DCLK1: variants seen among roughly 807,000 people sequenced by gnomAD.
The protein encoded by DCLK1 is doublecortin like kinase 1.
In DCLK1, 16 loss-of-function variants were observed where a neutral mutation model predicts 86.2. The observed-to-expected ratio is 0.19, with a 90% confidence interval of 0.13 to 0.28. DCLK1 has a LOEUF of 0.28. Among genes scored for constraint, DCLK1 ranks in the 10% least tolerant of loss-of-function variants. The pLI is 1.00. For synonymous variants in DCLK1, 369 were observed against 370.5 expected, an observed-to-expected ratio of 1.00 and a Z score of 0.05; for missense variants, 590 against 940.2, an observed-to-expected ratio of 0.63 and a Z score of 4.87.
In DCLK1 at chr13:35,958,121, CACTACCACT is replaced by C. The variant is rs1392722994; in HGVS notation, c.724-10673_724-10665del. Among the ~76,000 whole-genome samples the C allele has an allele frequency of 3.5e-4, 47 of 132,612 alleles. No homozygotes were observed. The East Asian group carries it at 7.3e-3, about 21-fold the overall frequency. 87.0% of individuals were successfully genotyped at this position (132,612 alleles called of 152,430 possible). On this transcript the variant is annotated intron_variant, in intron 3 of 16. Coordinates refer to ENST00000360631, the MANE Select transcript of DCLK1 (RefSeq NM_001330071.2). ...CCGCTATAACCACCATCACCACCAC[CACTACCACT>C]ACTATAACCACCACCACCACCACTA...
intron 3 of DCLK1, among the ~76,000 whole-genome samples, chr13:36,038,558 G>A (rs970502412): frequency 6.6e-6 from 1 of 152,154 alleles, no homozygotes; most frequent in African/African-American, 2.4e-5. Flanking sequence ...TAATCTCAGA[G>A]GCTTTTCCAG....
intron 8 of DCLK1, among the ~76,000 whole-genome samples, chr13:35,829,217 G>A (rs192005047): frequency 1.2e-4 from 18 of 152,262 alleles, no homozygotes; most frequent in Non-Finnish European, 2.4e-4. Flanking sequence ...TAGTCGTATC[G>A]CTACCTTTAA....
intron 4 of DCLK1, among the ~76,000 whole-genome samples, chr13:35,879,389 T>G (rs17068358): frequency 8.5e-5 from 13 of 152,186 alleles, no homozygotes. Context: ...GAAGGCTTTA[T>G]GGCACTGGGA....
At chr13:36,037,363 A>G (rs1383069551) in intron 3 of DCLK1, among the ~76,000 whole-genome samples, 1 of 152,208 alleles carries the variant, frequency 6.6e-6, no homozygotes, top group African/African-American at 2.4e-5. Flanking sequence ...ACAATAACAT[A>G]TTACATATTT....
chr13:35,828,230 A>T lies in DCLK1; in HGVS notation c.1287+20T>A. The T allele has an allele frequency of 1.9e-6, 3 of 1,602,342 alleles. No individual in the cohort carries two copies. Among genetic ancestry groups the T allele is most frequent in the Non-Finnish European group, 2.6e-6 (3 of 1,171,750 alleles). ...ACCTCTTGAACACTCTTATCTCATA[A>T]GAACAAATTTTATACATACTTTGCC... On this transcript the variant is annotated intron_variant, in intron 9 of 16. Transcript: ENST00000360631.
At chr13:35,907,830 T>C (rs190145520) in intron 4 of DCLK1, among the ~76,000 whole-genome samples, 55 of 89,314 alleles carry the variant, frequency 6.2e-4, no homozygotes, top group African/African-American at 2.1e-3. Flanking sequence ...TTTACATCTA[T>C]GAAAAAACTT....
chr13:36,024,247 A>C (rs1370737212), intron 3 of DCLK1, among the ~76,000 whole-genome samples: 1 of 152,126 alleles, frequency 6.6e-6, no homozygotes, highest in Non-Finnish European at 1.5e-5. Flanking sequence ...CAGGTCAATT[A>C]GGCAAGAAAA....
intron 2 of DCLK1, among the ~76,000 whole-genome samples, chr13:36,120,137 G>T (rs1318314636): frequency 1.3e-5 from 2 of 152,108 alleles, no homozygotes; most frequent in Admixed American, 1.3e-4. Context: ...CATACCACAA[G>T]AAAATGAGGA....
chr13:35,830,752 CA>C (rs1484064861), intron 8 of DCLK1, among the ~76,000 whole-genome samples: 1 of 152,158 alleles, frequency 6.6e-6, no homozygotes, highest in Non-Finnish European at 1.5e-5. Context: ...GGCCAGAGAG[CA>C]AGAAGGGATG....
At chr13:35,801,668 G>A (rs2086923017) in intron 15 of DCLK1, among the ~76,000 whole-genome samples, 2 of 152,150 alleles carry the variant, frequency 1.3e-5, no homozygotes. Flanking sequence ...GGGACCATGT[G>A]TAAAACTGTG....
At chr13:35,835,250 GC>G (rs747333877) in intron 8 of DCLK1, among the ~76,000 whole-genome samples, 8 of 152,056 alleles carry the variant, frequency 5.3e-5, no homozygotes, top group Non-Finnish European at 4.4e-5. Context: ...CCCCAGTCCA[GC>G]CCCCAGAAAG....
intron 4 of DCLK1, among the ~76,000 whole-genome samples, chr13:35,927,148 A>G (rs1168319296): frequency 6.6e-6 from 1 of 152,250 alleles, no homozygotes; most frequent in Admixed American, 6.5e-5. Context: ...ACAATTAGGA[A>G]TTTTATGGAG....
chr13:35,918,160 T>C (rs1875548604), intron 4 of DCLK1, among the ~76,000 whole-genome samples: 1 of 152,248 alleles, frequency 6.6e-6, no homozygotes, highest in Admixed American at 6.5e-5. Context: ...TCATAAGGCA[T>C]ACACAAATTT....
chr13:35,812,699 G>A (rs9545434), intron 11 of DCLK1, among the ~76,000 whole-genome samples: 84,849 of 152,082 alleles, frequency 0.56, 27,061 homozygotes, highest in African/African-American at 0.86. Context: ...ATTCTTTTAC[G>A]TTTTCTCCAC....
At chr13:36,040,364 C>T (rs77331323) in intron 3 of DCLK1, among the ~76,000 whole-genome samples, 2 of 38,210 alleles carry the variant, frequency 5.2e-5, no homozygotes, top group Non-Finnish European at 1.0e-4. Context: ...GGTATTCCTC[C>T]ATAGGAATAC....
At chr13:35,909,597 ATGTGTGTGTG>A (rs57044533) in intron 4 of DCLK1, among the ~76,000 whole-genome samples, 3,539 of 146,194 alleles carry the variant, frequency 0.024, 59 homozygotes, top group African/African-American at 0.044. Flanking sequence ...CTGTGTGCAT[ATGTGTGTGTG>A]TGTGTGTGTG....
chr13:35,867,848 GAAGAAAGA>G lies in DCLK1; in HGVS notation c.940+3368_940+3375del, dbSNP rs746034864. ...CCCCATCTTTATTGACTTAAAGGGA[GAAGAAAGA>G]AAGAAAGAAAGAAAGAGAGAGGGAG... On this transcript the variant is annotated intron_variant, in intron 5 of 16. Coordinates refer to ENST00000360631, the MANE Select transcript of DCLK1 (RefSeq NM_001330071.2). Among the ~76,000 whole-genome samples the G allele has an allele frequency of 1.6e-3, 198 of 126,250 alleles. 2 individuals are homozygous for G. The highest frequency in any genetic ancestry group is 5.4e-3 in the African/African-American group (189 of 34,834). The allele number at this position is 126,250 out of a possible 152,430, so 82.8% of individuals were successfully genotyped here.
chr13:35,795,061 C>T (rs2086781653), intron 15 of DCLK1, among the ~76,000 whole-genome samples: 2 of 152,162 alleles, frequency 1.3e-5, no homozygotes. Context: ...TGTTACAAGG[C>T]TGCATGGCTG....
chr13:35,820,886 C>T (rs1333426745), intron 11 of DCLK1, among the ~76,000 whole-genome samples: 2 of 152,224 alleles, frequency 1.3e-5, no homozygotes, highest in East Asian at 3.8e-4. Context: ...AGATTACCAG[C>T]ATAATTGCAA....
Sources: allele counts gnomAD v4.1 joint callset (sites outside exome capture counted in the v4.1 genomes callset), GRCh38; gene constraint gnomAD v4.1.1; transcripts MANE v1.5; gene names NCBI Gene and HGNC (gene_info 2026-07-23, HGNC 2026-07-21).